The following ADAD1 variants were observed in gnomAD, a reference collection of about 807,000 sequenced individuals.
ADAD1 encodes adenosine deaminase domain containing 1.
A neutral mutation model predicts 66.8 loss-of-function variants in ADAD1; 46 were observed. That is an observed-to-expected ratio of 0.69 (90% CI 0.54 to 0.88). ADAD1 has a LOEUF of 0.88. ADAD1 is among the 40% of genes least tolerant of loss of function. The probability of loss-of-function intolerance (pLI) is 0.00; values close to 1 mark genes in which losing one functional copy is unlikely to be tolerated. For synonymous variants in ADAD1, 248 were observed against 229.4 expected (o/e 1.08, Z -0.73); for missense variants, 617 against 681.8 (o/e 0.91, Z 1.06).
At chr4:122,391,422 A>G (rs1421800377) in intron 5 of ADAD1, among the ~76,000 whole-genome samples, 1 of 152,042 alleles carries the variant, frequency 6.6e-6, no homozygotes, top group African/African-American at 2.4e-5. Flanking sequence ...GGAGAAACCC[A>G]CTCCTCTGCG....
chr4:122,384,747 T>C (rs1189619264), intron 5 of ADAD1, among the ~76,000 whole-genome samples: 1 of 152,212 alleles, frequency 6.6e-6, no homozygotes, highest in Non-Finnish European at 1.5e-5. Context: ...GCGAATGTTT[T>C]GCCCACTGGT....
Position 122,396,637 on chromosome 4 carries a change from T to C in ADAD1, c.724+260T>C, listed in dbSNP as rs180677521. On this transcript the variant is annotated intron_variant, in intron 7 of 12. Coordinates refer to ENST00000296513, the MANE Select transcript of ADAD1 (RefSeq NM_139243.4). ...CTGGCATCACTACCCTTCTGAAATCTAGTCCTCAGTAACATTAAGAGTAGC... is the reference window on the plus strand; with the variant it reads ...CTGGCATCACTACCCTTCTGAAATCCAGTCCTCAGTAACATTAAGAGTAGC... Among the ~76,000 whole-genome samples, 140 of 152,308 alleles carry C rather than the reference T, an allele frequency of 9.2e-4. 1 individual carries two copies. Among genetic ancestry groups the C allele is most frequent in the African/African-American group, 3.2e-3 (132 of 41,562 alleles).
chr4:122,408,142 G>T (rs1796301897), intron 8 of ADAD1, 111 bp downstream of exon 8: 1 of 1,160,610 alleles, frequency 8.6e-7, no homozygotes, highest in African/African-American at 1.6e-5. Flanking sequence ...TAGAGCCAAG[G>T]ATGTCACATT....
chr4:122,405,392 G>A (rs2150570792), intron 7 of ADAD1, among the ~76,000 whole-genome samples: 1 of 152,224 alleles, frequency 6.6e-6, no homozygotes, highest in South Asian at 2.1e-4. Context: ...CAGCCACTGT[G>A]TCTACTCTTT....
At chr4:122,417,336 T>G (rs1157173925) in intron 11 of ADAD1, among the ~76,000 whole-genome samples, 3 of 140,132 alleles carry the variant, frequency 2.1e-5, no homozygotes, top group Non-Finnish European at 4.5e-5. Context: ...GCCTCCATCT[T>G]TAAAAAAAAA....
intron 1 of ADAD1, 27 bp from the exon 2 acceptor site, chr4:122,379,345 C>T (rs1181490423): frequency 6.6e-6 from 1 of 152,348 alleles, no homozygotes; most frequent in African/African-American, 2.4e-5. Context: ...CCTCGAACGC[C>T]TGCGATGGTC....
chr4:122,419,076 C>T lies in ADAD1; in HGVS notation c.1488-2185C>T, dbSNP rs867705549. Among the ~76,000 whole-genome samples, 12 of 152,280 alleles carry T rather than the reference C, an allele frequency of 7.9e-5. No individual in the cohort carries two copies. In the South Asian group the frequency reaches 8.3e-4, roughly 11 times the overall value. On this transcript the variant is annotated intron_variant, in intron 11 of 12. Transcript: ENST00000296513. ...TCATTCTGTTATAAAGACACTTGCA[C>T]GCATATGCTCATTGCAGCACTATTC...
At chr4:122,402,012 T>C (rs1796004382) in intron 7 of ADAD1, among the ~76,000 whole-genome samples, 1 of 152,072 alleles carries the variant, frequency 6.6e-6, no homozygotes, top group Non-Finnish European at 1.5e-5. Context: ...AGATATAGGG[T>C]ACTGTTCTAT....
chr4:122,390,195 T>C (rs1010526794), intron 5 of ADAD1, among the ~76,000 whole-genome samples: 1 of 152,222 alleles, frequency 6.6e-6, no homozygotes, highest in African/African-American at 2.4e-5. Flanking sequence ...CCCCAATCTC[T>C]CCTGGCTAGC....
At chr4:122,389,998 A>G (rs557377705) in intron 5 of ADAD1, among the ~76,000 whole-genome samples, 1 of 151,932 alleles carries the variant, frequency 6.6e-6, no homozygotes, top group African/African-American at 2.4e-5. Context: ...GCTCTTTCCG[A>G]TTTTTCATTT....
intron 5 of ADAD1, among the ~76,000 whole-genome samples, chr4:122,388,999 A>C (rs563721255): frequency 6.6e-6 from 1 of 152,158 alleles, no homozygotes; most frequent in Non-Finnish European, 1.5e-5. Flanking sequence ...TGATGTGGGC[A>C]TTTAGTGCTA....
intron 9 of ADAD1, 69 bp downstream of exon 9, chr4:122,411,461 G>A: frequency 7.0e-7 from 1 of 1,423,312 alleles, no homozygotes. Context: ...ACTTTCTACA[G>A]CAAATAGAAC....
intron 10 of ADAD1, 128 bp from the exon 11 acceptor site, chr4:122,415,251 T>C: frequency 1.5e-6 from 1 of 684,820 alleles, no homozygotes; most frequent in Admixed American, 3.0e-5. Context: ...AGAATAGAAC[T>C]AGGAAAGGGA....
At chr4:122,387,276 A>G (rs1289762026) in intron 5 of ADAD1, among the ~76,000 whole-genome samples, 3 of 151,902 alleles carry the variant, frequency 2.0e-5, no homozygotes, top group African/African-American at 7.3e-5. Context: ...TTGTATTCCT[A>G]GGTATTTTAT....
intron 11 of ADAD1, among the ~76,000 whole-genome samples, chr4:122,419,921 TATTATC>T (rs1273314454): frequency 6.6e-6 from 1 of 152,190 alleles, no homozygotes; most frequent in African/African-American, 2.4e-5. Context: ...AGTCAAAAAA[TATTATC>T]ATGATTGATA....
intron 11 of ADAD1, among the ~76,000 whole-genome samples, chr4:122,418,799 T>A (rs1366416172): frequency 6.6e-6 from 1 of 152,168 alleles, no homozygotes; most frequent in African/African-American, 2.4e-5. Flanking sequence ...TAAATCTGAT[T>A]TTTTAAAATT....
intron 8 of ADAD1, among the ~76,000 whole-genome samples, chr4:122,409,668 T>A (rs1369371258): frequency 6.6e-6 from 1 of 152,162 alleles, no homozygotes. Flanking sequence ...TTTAACTTTT[T>A]CTTATGGATG....
At chr4:122,415,758 T>A in intron 11 of ADAD1, 142 bp downstream of exon 11, 1 of 772,000 alleles carries the variant, frequency 1.3e-6, no homozygotes, top group Non-Finnish European at 2.0e-6. Context: ...GTGACTATGT[T>A]ACAGGCATTG....
chr4:122,409,695 G>T (rs1457855523), intron 8 of ADAD1, among the ~76,000 whole-genome samples: 1 of 151,688 alleles, frequency 6.6e-6, no homozygotes, highest in Non-Finnish European at 1.5e-5. Context: ...GCGGTTTTTT[G>T]TGTGTTTTGT....
Sources: allele counts gnomAD v4.1 joint callset (sites outside exome capture counted in the v4.1 genomes callset), GRCh38; gene constraint gnomAD v4.1.1; transcripts MANE v1.5; gene names NCBI Gene and HGNC (gene_info 2026-07-23, HGNC 2026-07-21).